The following ATRNL1 variants were observed in gnomAD, a reference collection of about 807,000 sequenced individuals.
ATRNL1 encodes the protein attractin-like protein 1.
A neutral mutation model predicts 182.7 loss-of-function variants in ATRNL1; 95 were observed. That is an observed-to-expected ratio of 0.52 (90% CI 0.44 to 0.62). The LOEUF is 0.62. ATRNL1 is among the 20% of genes least tolerant of loss of function. The pLI, the probability that ATRNL1 is intolerant of heterozygous loss-of-function variation, is 0.00. For missense variants in ATRNL1, 1,471 were observed against 1,679.5 expected (o/e 0.88, Z 2.17); for synonymous variants, 576 against 568.3 (o/e 1.01, Z -0.19).
chr10:115,675,901 G>GT (rs1945846139), intron 26 of ATRNL1, among the ~76,000 whole-genome samples: 1 of 152,048 alleles, frequency 6.6e-6, no homozygotes, highest in African/African-American at 2.4e-5. Flanking sequence ...CTAGAAAACA[G>GT]TAAGTCGAGA....
intron 27 of ATRNL1, among the ~76,000 whole-genome samples, chr10:115,832,638 T>A (rs971633414): frequency 3.9e-5 from 6 of 152,208 alleles, no homozygotes; most frequent in Non-Finnish European, 7.3e-5. Context: ...TGAGTCCAAG[T>A]CTCGACTCTT....
At chr10:115,192,451 C>G (rs1848204128) in intron 8 of ATRNL1, among the ~76,000 whole-genome samples, 1 of 151,962 alleles carries the variant, frequency 6.6e-6, no homozygotes, top group Non-Finnish European at 1.5e-5. Flanking sequence ...TTGCATTGGT[C>G]TATATTTCTG....
rs371207632 is a variant in ATRNL1, at chr10:115,252,019, TTTG to T, written c.1687+10315_1687+10317del. Reference sequence around the variant, plus strand: ...AACATGTGCTGTCTAGCTGTCTAGGTTTGTTGTTGTTGTTGTTGTTGTTTTGAG... The same window carrying T: ...AACATGTGCTGTCTAGCTGTCTAGGTTTGTTGTTGTTGTTGTTGTTTTGAG... On this transcript the variant is annotated intron_variant, in intron 10 of 28. Transcript: ENST00000355044. 8.0e-4 allele frequency among the ~76,000 whole-genome samples: 122 copies of T among 151,736 alleles called. 2 individuals carry two copies. The South Asian group carries it at 0.021, about 26-fold the overall frequency.
intron 18 of ATRNL1, among the ~76,000 whole-genome samples, chr10:115,321,964 A>G (rs188876904): frequency 6.6e-6 from 1 of 152,280 alleles, no homozygotes; most frequent in African/African-American, 2.4e-5. Context: ...ATTTTCATAC[A>G]TGAACAATGA....
chr10:115,446,739 A>G (rs1329393146), intron 21 of ATRNL1, among the ~76,000 whole-genome samples: 1 of 152,076 alleles, frequency 6.6e-6, no homozygotes, highest in Non-Finnish European at 1.5e-5. Flanking sequence ...CTGAAGCTCT[A>G]CGAAGCTCAT....
chr10:115,364,170 T>G (rs1237639038), intron 19 of ATRNL1, among the ~76,000 whole-genome samples: 1 of 142,656 alleles, frequency 7.0e-6, no homozygotes, highest in Admixed American at 7.0e-5. Flanking sequence ...GTTCTTCCAT[T>G]TGTTTGTATC....
chr10:115,543,679 G>A (rs1477028074), intron 25 of ATRNL1, among the ~76,000 whole-genome samples: 1 of 151,884 alleles, frequency 6.6e-6, no homozygotes, highest in African/African-American at 2.4e-5. Flanking sequence ...GCATTACAAT[G>A]TAACGTTATA....
chr10:115,100,314 A>C (rs1442060925), intron 1 of ATRNL1, among the ~76,000 whole-genome samples: 3 of 149,804 alleles, frequency 2.0e-5, no homozygotes, highest in African/African-American at 7.4e-5. Flanking sequence ...ATAAAAAATA[A>C]AAAAAAAAAG....
chr10:115,183,495 A>G (rs1847825625), intron 8 of ATRNL1, among the ~76,000 whole-genome samples: 1 of 151,650 alleles, frequency 6.6e-6, no homozygotes, highest in Non-Finnish European at 1.5e-5. Context: ...ACAAATACAC[A>G]AAACAAGAAA....
intron 8 of ATRNL1, among the ~76,000 whole-genome samples, chr10:115,179,207 A>G (rs534830801): frequency 2.0e-5 from 3 of 152,116 alleles, no homozygotes; most frequent in African/African-American, 4.8e-5. Context: ...GATGTCCTCT[A>G]TTTGTCTCTC....
At chr10:115,849,579 T>C (rs1340900188) in intron 28 of ATRNL1, among the ~76,000 whole-genome samples, 1 of 152,226 alleles carries the variant, frequency 6.6e-6, no homozygotes, top group African/African-American at 2.4e-5. Context: ...AACTGCATTA[T>C]GATTACTAAT....
intron 25 of ATRNL1, among the ~76,000 whole-genome samples, chr10:115,539,767 G>A (rs186420071): frequency 3.0e-4 from 46 of 152,242 alleles, no homozygotes; most frequent in African/African-American, 1.1e-3. Context: ...AATCCCAAGG[G>A]AAGGGAATAT....
At chr10:115,327,942 G>T (rs1315181575) in intron 18 of ATRNL1, among the ~76,000 whole-genome samples, 1 of 148,100 alleles carries the variant, frequency 6.8e-6, no homozygotes, top group Non-Finnish European at 1.5e-5. Context: ...TTGTGGGGTG[G>T]GGGGAAGTGG....
At chr10:115,302,925 C>G (rs1304766821) in intron 17 of ATRNL1, among the ~76,000 whole-genome samples, 2 of 137,240 alleles carry the variant, frequency 1.5e-5, no homozygotes, top group Non-Finnish European at 2.9e-5. Context: ...TTTCTGCAAT[C>G]CACTCTTTGA....
At chr10:115,630,859 CACACACACACACACAT>C (rs1366364937) in intron 26 of ATRNL1, among the ~76,000 whole-genome samples, 2 of 145,354 alleles carry the variant, frequency 1.4e-5, no homozygotes, top group South Asian at 4.3e-4. Context: ...CACACACACA[CACACACACACACACAT>C]TGGAATTTTT....
intron 27 of ATRNL1, among the ~76,000 whole-genome samples, chr10:115,753,525 A>G (rs1297414226): frequency 3.9e-5 from 6 of 152,148 alleles, no homozygotes; most frequent in Admixed American, 6.5e-5. Context: ...TAATGGCTGC[A>G]TAGTATTCCA....
chr10:115,638,680 A>G (rs1267110033), intron 26 of ATRNL1, among the ~76,000 whole-genome samples: 5 of 152,226 alleles, frequency 3.3e-5, no homozygotes, highest in African/African-American at 9.6e-5. Flanking sequence ...GGACATGAAC[A>G]TGGCGAATTT....
chr10:115,486,544 TC>T (rs1335485150), intron 24 of ATRNL1, among the ~76,000 whole-genome samples: 1 of 152,192 alleles, frequency 6.6e-6, no homozygotes, highest in Non-Finnish European at 1.5e-5. Context: ...AGAAATGTCT[TC>T]TTTTGAGAAG....
Position 115,127,685 on chromosome 10 carries a change from C to T in ATRNL1, c.584C>T (p.Ala195Val), listed in dbSNP as rs1554873917. ...GCACTGTTACATTTTTTTAGTGATG[C>T]TGCGTATAATCTAACTGGTTTCAAC... ...GYALLHFFSD[A>V]AYNLTGFNIF... Residue 195 changes from alanine (A) to valine (V), a missense_variant, in exon 4 of 29, where the codon GCT (alanine) becomes GTT (valine). This residue lies in a region of ATRNL1 where 1,031 missense variants were observed against 1,156.0 expected (regional missense o/e 0.89). Transcript: ENST00000355044. 6.4e-7 allele frequency: 1 copy of T among 1,565,052 alleles called. No homozygotes were observed. The highest frequency in any genetic ancestry group is 2.3e-5 in the East Asian group (1 of 42,846).
Sources: gnomAD v4.1 joint callset for allele counts (sites outside exome capture counted in the v4.1 genomes callset) on GRCh38, gnomAD v4.1.1 for gene constraint, gnomAD v4.1.1 regional missense constraint, MANE v1.5 for transcripts, NCBI Gene and HGNC (gene_info 2026-07-23, HGNC 2026-07-21) for gene names.